ZBTB20: variants seen among roughly 807,000 people sequenced by gnomAD.
ZBTB20 encodes the protein zinc finger and BTB domain containing 20, also known as zinc finger and BTB domain-containing protein 20.
A neutral mutation model predicts 56.9 loss-of-function variants in ZBTB20; 9 were observed. That is an observed-to-expected ratio of 0.16 (90% confidence interval 0.10 to 0.28). The LOEUF is 0.28. ZBTB20 is among the 10% of genes least tolerant of loss of function. The probability of loss-of-function intolerance (pLI) is 1.00; values close to 1 mark genes in which losing one functional copy is unlikely to be tolerated. For synonymous variants in ZBTB20, 417 were observed against 420.7 expected, an observed-to-expected ratio of 0.99 and a Z score of 0.11; for missense variants, 655 against 1,003.0, an observed-to-expected ratio of 0.65 and a Z score of 4.69.
At chr3:114,620,023 A>T (rs2058212445) in intron 6 of ZBTB20, among the ~76,000 whole-genome samples, 1 of 152,230 alleles carries the variant, frequency 6.6e-6, no homozygotes, top group African/African-American at 2.4e-5. Flanking sequence ...GATGCATTAT[A>T]GGTAAGTCTG....
At chr3:114,627,448 C>T (rs1169223510) in intron 6 of ZBTB20, among the ~76,000 whole-genome samples, 4 of 152,268 alleles carry the variant, frequency 2.6e-5, no homozygotes, top group Admixed American at 6.5e-5. Context: ...GGTTAATAGA[C>T]GATAATTCTT....
chr3:114,765,165 T>C (rs1391784040), intron 5 of ZBTB20, among the ~76,000 whole-genome samples: 1 of 152,174 alleles, frequency 6.6e-6, no homozygotes, highest in Non-Finnish European at 1.5e-5. Context: ...CAGAAATCAT[T>C]GTGGTAAAGC....
At chr3:114,626,324 T>C (rs889757565) in intron 6 of ZBTB20, among the ~76,000 whole-genome samples, 3 of 152,212 alleles carry the variant, frequency 2.0e-5, no homozygotes, top group African/African-American at 7.2e-5. Flanking sequence ...CTCTTTGAAA[T>C]GGAAATAATA....
intron 3 of ZBTB20, among the ~76,000 whole-genome samples, chr3:114,953,119 T>C (rs912106945): frequency 6.6e-6 from 1 of 152,086 alleles, no homozygotes; most frequent in East Asian, 1.9e-4. Context: ...GTAAGATTTC[T>C]ACATTCTATT....
intron 6 of ZBTB20, among the ~76,000 whole-genome samples, chr3:114,530,611 T>C (rs1023882225): frequency 6.6e-6 from 1 of 152,150 alleles, no homozygotes; most frequent in Non-Finnish European, 1.5e-5. Flanking sequence ...ACTTGAGAAA[T>C]CTAAGAACTA....
intron 7 of ZBTB20, among the ~76,000 whole-genome samples, chr3:114,456,429 T>C (rs977617933): frequency 6.6e-6 from 1 of 152,206 alleles, no homozygotes; most frequent in African/African-American, 2.4e-5. Context: ...TCATCTGCTA[T>C]ATATCACCAA....
intron 10 of ZBTB20, among the ~76,000 whole-genome samples, chr3:114,362,954 G>T (rs1304128589): frequency 6.6e-6 from 1 of 152,100 alleles, no homozygotes; most frequent in Non-Finnish European, 1.5e-5. Context: ...TAGTGTCAAG[G>T]ATTGTTTAGA....
At chr3:114,572,122 A>T (rs571392768) in intron 6 of ZBTB20, among the ~76,000 whole-genome samples, 1 of 152,340 alleles carries the variant, frequency 6.6e-6, no homozygotes, top group South Asian at 2.1e-4. Flanking sequence ...GAAAACTGAA[A>T]TTCAGAGAGA....
chr3:114,376,167 G>A (rs191907894), intron 10 of ZBTB20, among the ~76,000 whole-genome samples: 16 of 152,298 alleles, frequency 1.1e-4, no homozygotes, highest in South Asian at 2.1e-4. Flanking sequence ...AGGATAATAC[G>A]TATAGATGGT....
chr3:114,486,845 C>A (rs1002147941), intron 7 of ZBTB20, among the ~76,000 whole-genome samples: 7 of 152,114 alleles, frequency 4.6e-5, no homozygotes, highest in African/African-American at 1.2e-4. Flanking sequence ...GGTAAGGTGA[C>A]CTGTTTAGAT....
In ZBTB20 at chr3:114,350,693, A is replaced by G. The variant is rs1209148180; in HGVS notation, c.1385T>C (p.Val462Ala). The change falls in exon 11 of 12, where the codon GTC (valine) becomes GCC (alanine). Residue 462 changes from valine to alanine, a missense_variant. Transcript: ENST00000675478. Reference protein sequence around the residue: ...SDKSVLQQPSVNTSIGQPLPS... With the variant: ...SDKSVLQQPSANTSIGQPLPS... ...CAATGGCTGCCCGATGGACGTGTTG[A>G]CCGAAGGCTGTTGTAGGACGCTCTT... 1.2e-6 allele frequency: 2 copies of G among 1,614,140 alleles called. No individual in the cohort carries two copies. Among genetic ancestry groups the G allele is most frequent in the Admixed American group, 1.7e-5 (1 of 60,032 alleles).
chr3:114,714,303 C>G (rs1368384040), intron 5 of ZBTB20, among the ~76,000 whole-genome samples: 2 of 152,164 alleles, frequency 1.3e-5, no homozygotes, highest in Non-Finnish European at 2.9e-5. Context: ...AGGGCAAAAC[C>G]TTATTCTAAC....
At chr3:115,089,267 G>A (rs1444021681) in intron 1 of ZBTB20, among the ~76,000 whole-genome samples, 4 of 151,578 alleles carry the variant, frequency 2.6e-5, no homozygotes, top group Middle Eastern at 3.4e-3. Flanking sequence ...TGCAATCTTC[G>A]GTAAACCACT....
At chr3:114,685,132 G>A (rs548609644) in intron 6 of ZBTB20, among the ~76,000 whole-genome samples, 2 of 151,984 alleles carry the variant, frequency 1.3e-5, no homozygotes, top group East Asian at 3.9e-4. Context: ...CCATTAGTCA[G>A]TCCAAAATCT....
intron 4 of ZBTB20, among the ~76,000 whole-genome samples, chr3:114,814,833 C>A (rs77074929): frequency 6.6e-6 from 1 of 152,192 alleles, no homozygotes; most frequent in East Asian, 1.9e-4. Context: ...CAATAACCCA[C>A]GTTCCCTAGC....
chr3:114,480,868 T>C lies in ZBTB20; in HGVS notation c.-255+19484A>G, dbSNP rs541096393. 1.6e-3 allele frequency among the ~76,000 whole-genome samples: 242 copies of C among 152,206 alleles called. 2 individuals carry two copies. The highest frequency in any genetic ancestry group is 4.6e-3 in the South Asian group (22 of 4,812). ...AATGTCTTTACTGTTTTCTGTAATA[T>C]TATCATTTTCCATTTTTCAAACAAT... is the stretch of plus-strand genomic sequence containing the variant. On this transcript the variant is annotated intron_variant, in intron 7 of 11. Transcript: ENST00000675478.
At chr3:115,100,123 G>C (rs2083535216) in intron 1 of ZBTB20, 1 of 151,548 alleles carries the variant, frequency 6.6e-6, no homozygotes, top group African/African-American at 2.4e-5. Context: ...ATGACAGAGG[G>C]GGCATTGAGG....
At chr3:114,380,522 C>A in intron 9 of ZBTB20, 118 bp from the exon 10 acceptor site, 1 of 1,266,322 alleles carries the variant, frequency 7.9e-7, no homozygotes, top group Non-Finnish European at 1.1e-6. Flanking sequence ...GGAGGGAGTC[C>A]AGTATGTCCC....
At chr3:114,824,472 A>G (rs2073417685) in intron 4 of ZBTB20, among the ~76,000 whole-genome samples, 1 of 151,970 alleles carries the variant, frequency 6.6e-6, no homozygotes, top group Non-Finnish European at 1.5e-5. Context: ...GCTTTTTTTA[A>G]TATCATTAAT....
Sources: allele counts gnomAD v4.1 joint callset (sites outside exome capture counted in the v4.1 genomes callset), GRCh38; gene constraint gnomAD v4.1.1; transcripts MANE v1.5; gene names NCBI Gene and HGNC (gene_info 2026-07-23, HGNC 2026-07-21).